PDCD4: variants seen among roughly 807,000 people sequenced by gnomAD.
The protein encoded by PDCD4 is programmed cell death protein 4.
A neutral mutation model predicts 54.0 loss-of-function variants in PDCD4; 56 were observed. That is an observed-to-expected ratio of 1.04 (90% CI 0.84 to 1.30). The LOEUF (loss-of-function observed/expected upper bound fraction) is 1.30, where lower values mean the gene tolerates loss of function less well. PDCD4 is among the 50% of genes most tolerant of loss of function. The pLI is 0.00. For missense variants in PDCD4, 584 were observed against 559.8 expected, an observed-to-expected ratio of 1.04 and a Z score of -0.44; for synonymous variants, 186 against 194.8, an observed-to-expected ratio of 0.95 and a Z score of 0.37.
chr10:110,887,672 T>G lies in PDCD4; in HGVS notation c.563T>G (p.Leu188Ter). 1 of 1,606,046 alleles carries G rather than the reference T, an allele frequency of 6.2e-7. No individual in the cohort carries two copies. Among genetic ancestry groups the G allele is most frequent in the Non-Finnish European group, 8.5e-7 (1 of 1,173,096 alleles). The part of the protein sequence containing the change: ...HGDTNEVAEM[L>*]RDLNLGEMKS... Reference sequence around the variant, plus strand: ...AATTATTTTTTTGAACAGGAAATGTTAAGAGATTTAAATCTTGGTGAAATG... The same window carrying G: ...AATTATTTTTTTGAACAGGAAATGTGAAGAGATTTAAATCTTGGTGAAATG... Residue 188 changes from leucine (L) to a stop codon, truncating the protein, a stop_gained, in exon 6 of 12, where the codon TTA becomes TGA. Coordinates refer to ENST00000280154, the MANE Select transcript of PDCD4 (RefSeq NM_014456.5). LOFTEE classifies it high-confidence loss of function.
At chr10:110,894,552 G>A (rs1325818631) in intron 10 of PDCD4, 30 bp downstream of exon 10, 3 of 923,032 alleles carry the variant, frequency 3.3e-6, no homozygotes, top group African/African-American at 3.3e-5. Context: ...TGAACAACTT[G>A]TAGGATTATG....
Position 110,883,010 on chromosome 10 carries a change from A to AG in PDCD4, c.356dup (p.Gly120ArgfsTer13). The stretch of plus-strand genomic sequence containing the variant: ...AATGCTAAACTTTTTCAGGTGGTGC[A>AG]GGAGGCAAAGGTGTCTGGGGTACAC... On this transcript the variant is annotated frameshift_variant, in exon 4 of 12. Coordinates refer to ENST00000280154, the MANE Select transcript of PDCD4 (RefSeq NM_014456.5). LOFTEE classifies it high-confidence loss of function. 6.3e-7 allele frequency: 1 copy of AG among 1,594,078 alleles called. No homozygotes were observed. The highest frequency in any genetic ancestry group is 8.6e-7 in the Non-Finnish European group (1 of 1,168,864).
chr10:110,878,363 T>G (rs1845539638), intron 2 of PDCD4, among the ~76,000 whole-genome samples: 1 of 152,238 alleles, frequency 6.6e-6, no homozygotes, highest in South Asian at 2.1e-4. Flanking sequence ...GAAATAGATG[T>G]ATTTAAATTG....
chr10:110,874,107 C>T (rs1278485547), intron 1 of PDCD4, among the ~76,000 whole-genome samples: 1 of 152,154 alleles, frequency 6.6e-6, no homozygotes, highest in Non-Finnish European at 1.5e-5. Context: ...CTGGCTGTTC[C>T]ACTAAGCAGC....
chr10:110,873,898 T>C (rs1461374461), intron 1 of PDCD4, among the ~76,000 whole-genome samples: 1 of 152,220 alleles, frequency 6.6e-6, no homozygotes, highest in African/African-American at 2.4e-5. Flanking sequence ...GACAGTTTTG[T>C]CTGACGGAAT....
In PDCD4 at chr10:110,890,664, TA is replaced by T. The variant is rs1270202257; in HGVS notation, c.987del (p.Glu330ArgfsTer6). The T allele has an allele frequency of 6.3e-7, 1 of 1,584,678 alleles. No homozygotes were observed. Among genetic ancestry groups the T allele is most frequent in the Non-Finnish European group, 8.7e-7 (1 of 1,154,318 alleles). On this transcript the variant is annotated frameshift_variant, in exon 8 of 12. Transcript: ENST00000280154. LOFTEE classifies it high-confidence loss of function. ...GGCAGCAATCTGTCAATCACCTTGT[TA>T]AAGAGGTAATGATTGGGTATTGTTT... ...GGQQSVNHLV[K>X]EIDMLLKEYL...
intron 1 of PDCD4, among the ~76,000 whole-genome samples, chr10:110,874,061 A>G (rs1845465198): frequency 6.6e-6 from 1 of 152,212 alleles, no homozygotes; most frequent in African/African-American, 2.4e-5. Context: ...GAACTTGTGC[A>G]AACAGTACTG....
At chr10:110,889,388 G>C in intron 6 of PDCD4, 145 bp from the exon 7 acceptor site, 1 of 631,126 alleles carries the variant, frequency 1.6e-6, no homozygotes. Context: ...GTACTACATA[G>C]GTTTTTTTTT....
rs779898261 is a variant in PDCD4, at chr10:110,898,019, TC to T, written c.1350-8del. ...TCTGTTTTCATGTCTTTTTTTTTCT[TC>T]ATTACAGGGGCAGAAAGCGTTTTGT... On this transcript the variant is annotated splice_polypyrimidine_tract_variant and splice_region_variant and intron_variant, in intron 11 of 11. Coordinates refer to ENST00000280154, the MANE Select transcript of PDCD4 (RefSeq NM_014456.5). The T allele has an allele frequency of 1.0e-5, 16 of 1,573,634 alleles. No homozygotes were observed. The highest frequency in any genetic ancestry group is 1.4e-5 in the Non-Finnish European group (16 of 1,157,526).
intron 8 of PDCD4, among the ~76,000 whole-genome samples, chr10:110,892,849 C>G (rs1845776428): frequency 6.6e-6 from 1 of 152,176 alleles, no homozygotes; most frequent in South Asian, 2.1e-4. Flanking sequence ...CCCAGAGTAA[C>G]TTCCATCCTG....
At chr10:110,888,365 A>G (rs947862589) in intron 6 of PDCD4, among the ~76,000 whole-genome samples, 3 of 152,194 alleles carry the variant, frequency 2.0e-5, no homozygotes, top group Non-Finnish European at 4.4e-5. Context: ...ATTTAGAAAT[A>G]GAATATAGGC....
At chr10:110,888,502 G>A (rs1337434927) in intron 6 of PDCD4, among the ~76,000 whole-genome samples, 1 of 152,014 alleles carries the variant, frequency 6.6e-6, no homozygotes, top group African/African-American at 2.4e-5. Context: ...TTAAGAAAAT[G>A]ATTACATAAG....
chr10:110,885,029 C>T, intron 4 of PDCD4: 1 of 348,160 alleles, frequency 2.9e-6, no homozygotes, highest in Non-Finnish European at 5.2e-6. Flanking sequence ...CTCCAGGCCT[C>T]AAGTGAACCT....
intron 2 of PDCD4, among the ~76,000 whole-genome samples, chr10:110,879,174 A>C (rs1049718195): frequency 6.6e-6 from 1 of 152,136 alleles, no homozygotes; most frequent in African/African-American, 2.4e-5. Context: ...TTACTGAAGC[A>C]TTTTCTTAGC....
At chr10:110,879,161 G>A (rs1845552820) in intron 2 of PDCD4, among the ~76,000 whole-genome samples, 1 of 152,184 alleles carries the variant, frequency 6.6e-6, no homozygotes, top group South Asian at 2.1e-4. Flanking sequence ...GCTTGTGACT[G>A]AATTACTGAA....
intron 10 of PDCD4, 73 bp from the exon 11 acceptor site, chr10:110,895,873 CAT>C (rs755454224): frequency 5.5e-6 from 6 of 1,098,422 alleles, no homozygotes; most frequent in Non-Finnish European, 7.7e-6. Context: ...AAATTGATGA[CAT>C]AGTGATGGAT....
At position 110,885,320 on chromosome 10, in the gene PDCD4, C is replaced by G; in HGVS notation, c.509C>G (p.Pro170Arg). 1 of 1,596,330 alleles carries G rather than the reference C, an allele frequency of 6.3e-7. No individual in the cohort carries two copies. The highest frequency in any genetic ancestry group is 8.6e-7 in the Non-Finnish European group (1 of 1,166,354). The change falls in exon 5 of 12, where the codon CCA becomes CGA. Residue 170 changes from proline (P) to arginine (R), a missense_variant. Coordinates refer to ENST00000280154, the MANE Select transcript of PDCD4 (RefSeq NM_014456.5). ...AGGGCATTTGAGAAGACTTTAACAC[C>G]AATCATACAGGAATATTTTGAGCAT... ...DERAFEKTLT[P>R]IIQEYFEHGD...
intron 5 of PDCD4, among the ~76,000 whole-genome samples, chr10:110,887,326 T>C (rs1845683160): frequency 6.6e-6 from 1 of 152,170 alleles, no homozygotes; most frequent in African/African-American, 2.4e-5. Context: ...GTAAGTACAC[T>C]CTATAATGAT....
intron 10 of PDCD4, among the ~76,000 whole-genome samples, 166 bp downstream of exon 10, chr10:110,894,688 G>T (rs1845804439): frequency 6.9e-6 from 1 of 145,588 alleles, no homozygotes; most frequent in Non-Finnish European, 1.5e-5. Flanking sequence ...TGAACCTTTT[G>T]CAACCATTTT....
Sources: gnomAD v4.1 joint callset for allele counts (sites outside exome capture counted in the v4.1 genomes callset) on GRCh38, gnomAD v4.1.1 for gene constraint, MANE v1.5 for transcripts, NCBI Gene and HGNC (gene_info 2026-07-23, HGNC 2026-07-21) for gene names.